Variants in SPRED1 observed in about 807,000 individuals in gnomAD.
SPRED1 encodes sprouty related EVH1 domain containing 1.
A neutral mutation model predicts 52.3 loss-of-function variants in SPRED1; 18 were observed. The observed-to-expected ratio is 0.34, with a 90% CI of 0.24 to 0.51. The LOEUF is 0.51. Ranked by LOEUF, SPRED1 falls within the 20% of genes least tolerant of loss-of-function variation. The pLI is 0.97. For synonymous variants in SPRED1, 155 were observed against 179.7 expected, an observed-to-expected ratio of 0.86 and a Z score of 1.10; for missense variants, 485 against 551.0, an observed-to-expected ratio of 0.88 and a Z score of 1.20.
Position 38,299,511 on chromosome 15 carries a change from C to A in SPRED1, c.171C>A (p.Asp57Glu). ...ATCAGGAAGAGAATGGCTGTGCTGA[C>A]TTTTTTATCCGTGGAGAGCGACTCA... The part of the protein sequence containing the change: ...VPHQEENGCA[D>E]FFIRGERLRD... Residue 57 changes from aspartate to glutamate, a missense_variant, in exon 2 of 7, where the codon GAC (aspartate) becomes GAA (glutamate). Asp to Glu is a conservative substitution (Grantham distance 45). Around this residue, in one of 5 missense-constraint regions of SPRED1, gnomAD observed 232 missense variants for 231.8 expected, o/e 1.00. Transcript: ENST00000299084. 1 of 1,613,966 alleles carries A rather than the reference C, an allele frequency of 6.2e-7. No individual in the cohort carries two copies. The highest frequency in any genetic ancestry group is 2.2e-5 in the East Asian group (1 of 44,862).
intron 1 of SPRED1, among the ~76,000 whole-genome samples, chr15:38,292,494 TAAC>T (rs1894944154): frequency 2.0e-5 from 3 of 152,194 alleles, no homozygotes; most frequent in Admixed American, 2.0e-4. Context: ...TAATTGGACT[TAAC>T]AATTCCACAG....
At chr15:38,261,623 G>T (rs1894207903) in intron 1 of SPRED1, among the ~76,000 whole-genome samples, 1 of 152,054 alleles carries the variant, frequency 6.6e-6, no homozygotes, top group African/African-American at 2.4e-5. Context: ...TCCCAGGCTG[G>T]AGTGCAGTGG....
intron 3 of SPRED1, among the ~76,000 whole-genome samples, chr15:38,324,512 G>C (rs1217994005): frequency 6.6e-6 from 1 of 152,158 alleles, no homozygotes; most frequent in African/African-American, 2.4e-5. Context: ...GCTAGAGATA[G>C]TATACTTTCA....
intron 1 of SPRED1, among the ~76,000 whole-genome samples, chr15:38,282,899 A>C (rs1360601374): frequency 1.3e-5 from 2 of 151,672 alleles, no homozygotes; most frequent in Non-Finnish European, 1.5e-5. Context: ...TGCTACTTTG[A>C]GGACTGTGAC....
At chr15:38,298,818 C>A (rs1230750307) in intron 1 of SPRED1, among the ~76,000 whole-genome samples, 1 of 152,150 alleles carries the variant, frequency 6.6e-6, no homozygotes, top group East Asian at 1.9e-4. Context: ...AAGCATAACA[C>A]TTTTCTTTAT....
intron 1 of SPRED1, among the ~76,000 whole-genome samples, chr15:38,258,463 T>C (rs775321360): frequency 6.6e-6 from 1 of 152,226 alleles, no homozygotes; most frequent in African/African-American, 2.4e-5. Flanking sequence ...TTTTAAACAA[T>C]GTTGCATACC....
intron 5 of SPRED1, among the ~76,000 whole-genome samples, chr15:38,348,798 C>T (rs1896194250): frequency 6.6e-6 from 1 of 152,018 alleles, no homozygotes; most frequent in South Asian, 2.1e-4. Flanking sequence ...AAAAATTAAA[C>T]ATTGATATAT....
At chr15:38,321,809 G>A (rs962996359) in intron 2 of SPRED1, among the ~76,000 whole-genome samples, 1 of 152,054 alleles carries the variant, frequency 6.6e-6, no homozygotes, top group African/African-American at 2.4e-5. Flanking sequence ...TGGCCACGCT[G>A]GTCTCAAACT....
At chr15:38,345,350 C>A (rs537743779) in intron 5 of SPRED1, among the ~76,000 whole-genome samples, 2 of 152,288 alleles carry the variant, frequency 1.3e-5, no homozygotes, top group East Asian at 3.9e-4. Flanking sequence ...TAAAAGCTAA[C>A]TTGGTGAGTG....
intron 2 of SPRED1, among the ~76,000 whole-genome samples, chr15:38,311,489 CTG>C (rs1895366591): frequency 1.3e-5 from 2 of 152,218 alleles, no homozygotes; most frequent in African/African-American, 4.8e-5. Flanking sequence ...CTGGAAAAGA[CTG>C]TAAAATTGGT....
At chr15:38,297,323 A>G (rs1424515385) in intron 1 of SPRED1, among the ~76,000 whole-genome samples, 1 of 152,220 alleles carries the variant, frequency 6.6e-6, no homozygotes, top group Non-Finnish European at 1.5e-5. Context: ...AGATTCTCTT[A>G]ATTTGCTTTA....
intron 1 of SPRED1, among the ~76,000 whole-genome samples, chr15:38,270,135 G>A (rs751901647): frequency 3.3e-5 from 5 of 151,954 alleles, no homozygotes; most frequent in Non-Finnish European, 5.9e-5. Flanking sequence ...ATGAACTCCC[G>A]ACCTCAGGTG....
chr15:38,304,909 C>A (rs1228569288), intron 2 of SPRED1, among the ~76,000 whole-genome samples: 1 of 152,064 alleles, frequency 6.6e-6, no homozygotes, highest in Non-Finnish European at 1.5e-5. Flanking sequence ...TAATCTAAAT[C>A]TTTTCAGTCA....
intron 2 of SPRED1, among the ~76,000 whole-genome samples, chr15:38,320,581 G>A (rs554168474): frequency 6.6e-6 from 1 of 152,236 alleles, no homozygotes; most frequent in Admixed American, 6.5e-5. Context: ...GGGATCATCA[G>A]CAGTGCATGG....
intron 1 of SPRED1, among the ~76,000 whole-genome samples, chr15:38,273,497 A>G (rs962887493): frequency 6.1e-5 from 9 of 147,390 alleles, no homozygotes; most frequent in Non-Finnish European, 1.2e-4. Flanking sequence ...CCTTAGCCTT[A>G]ATTTTTATTT....
rs901524995 is a variant in SPRED1, at chr15:38,297,933, A to T, written c.33-1440A>T. 8.5e-5 allele frequency among the ~76,000 whole-genome samples: 13 copies of T among 152,308 alleles called. 2 individuals are homozygous for T. The highest frequency in any genetic ancestry group is 6.8e-3 in the Middle Eastern group (2 of 294). The stretch of plus-strand genomic sequence containing the variant: ...CAACTTGTGGAAATTTGACTCTAGA[A>T]TTCTCACTCTTAACCACAACCCAGT... On this transcript the variant is annotated intron_variant, in intron 1 of 6. Transcript: ENST00000299084.
chr15:38,319,932 T>G (rs1895569240), intron 2 of SPRED1, among the ~76,000 whole-genome samples: 1 of 152,186 alleles, frequency 6.6e-6, no homozygotes, highest in South Asian at 2.1e-4. Context: ...ATGGCTGCTT[T>G]TACTCAACAT....
intron 1 of SPRED1, among the ~76,000 whole-genome samples, chr15:38,280,853 A>AGTCC (rs1308435327): frequency 6.6e-6 from 1 of 152,260 alleles, no homozygotes; most frequent in African/African-American, 2.4e-5. Flanking sequence ...AAGAGAAAAC[A>AGTCC]GTGAATCACT....
At chr15:38,300,317 A>G (rs1450237999) in intron 2 of SPRED1, among the ~76,000 whole-genome samples, 1 of 152,226 alleles carries the variant, frequency 6.6e-6, no homozygotes, top group Admixed American at 6.5e-5. Flanking sequence ...TGTATCAAGA[A>G]AAAGAAGAGC....
Sources: allele counts gnomAD v4.1 joint callset (sites outside exome capture counted in the v4.1 genomes callset), GRCh38; gene constraint gnomAD v4.1.1; regional missense constraint gnomAD v4.1.1; transcripts MANE v1.5; gene names NCBI Gene and HGNC (gene_info 2026-07-23, HGNC 2026-07-21).